The following NLK variants were observed in gnomAD, a reference collection of about 807,000 sequenced individuals.
NLK encodes nemo like kinase.
Under a neutral mutation model 59.0 loss-of-function variants are expected in NLK, and 11 were observed. That is an observed-to-expected ratio of 0.19 (90% confidence interval 0.12 to 0.31). The LOEUF is 0.31. Ranked by LOEUF, NLK falls within the 10% of genes least tolerant of loss-of-function variation. The pLI is 1.00. For synonymous variants in NLK, 235 were observed against 235.9 expected (o/e 1.00, Z 0.03); for missense variants, 410 against 661.1 (o/e 0.62, Z 4.16).
At chr17:28,076,418 C>T (rs188884660) in intron 1 of NLK, among the ~76,000 whole-genome samples, 1 of 152,200 alleles carries the variant, frequency 6.6e-6, no homozygotes, top group Admixed American at 6.5e-5. Flanking sequence ...ATAAACGGCA[C>T]TAATCCCATT....
At chr17:28,196,826 A>T (rs1291309552), downstream of NLK, among the ~76,000 whole-genome samples, 1 of 152,188 alleles carries the variant, frequency 6.6e-6, no homozygotes, top group Non-Finnish European at 1.5e-5. Context: ...GTCCCAGCCC[A>T]GTGGTGGTGT....
chr17:28,124,588 C>T lies in NLK; in HGVS notation c.588+1856C>T, dbSNP rs1240109216. Among the ~76,000 whole-genome samples, 3 of 152,140 alleles carry T rather than the reference C, an allele frequency of 2.0e-5. No homozygotes were observed. The East Asian group carries it at 5.8e-4, about 29-fold the overall frequency. On this transcript the variant is annotated intron_variant, in intron 2 of 10. Transcript: ENST00000407008. ...AGTTACTATTTTACTACCAGTTCCT[C>T]AGATTTTAGAAATAATTTAGAATAA...
At chr17:28,113,586 C>T (rs1003863320) in intron 1 of NLK, among the ~76,000 whole-genome samples, 1 of 152,174 alleles carries the variant, frequency 6.6e-6, no homozygotes, top group Non-Finnish European at 1.5e-5. Flanking sequence ...CATGCTAATG[C>T]ATTATAATTC....
At chr17:28,154,494 A>T (rs1328069593) in intron 3 of NLK, among the ~76,000 whole-genome samples, 2 of 152,108 alleles carry the variant, frequency 1.3e-5, no homozygotes, top group Non-Finnish European at 2.9e-5. Context: ...AGCTCTAAGC[A>T]CTCCCACAGA....
chr17:28,127,761 G>A (rs1424977023), intron 2 of NLK, among the ~76,000 whole-genome samples: 1 of 152,090 alleles, frequency 6.6e-6, no homozygotes, highest in Admixed American at 6.6e-5. Flanking sequence ...TTATGGAAAT[G>A]CAAAAGATAC....
At chr17:28,134,880 C>A (rs895548224) in intron 3 of NLK, among the ~76,000 whole-genome samples, 1 of 152,220 alleles carries the variant, frequency 6.6e-6, no homozygotes, top group Non-Finnish European at 1.5e-5. Context: ...TGAGAAAGTT[C>A]TTTTCTCCTC....
At position 28,196,067 on chromosome 17, in the gene NLK, A is replaced by G. The variant is rs1377041325; in HGVS notation, c.*1431A>G. The G allele has an allele frequency of 2.0e-5, 3 of 152,654 alleles. No individual in the cohort carries two copies. The highest frequency in any genetic ancestry group is 4.4e-5 in the Non-Finnish European group (3 of 68,032). The allele number at this position is 152,654 out of a possible 1,614,324, so 9.5% of individuals were successfully genotyped here. On this transcript the variant is annotated 3_prime_UTR_variant, in exon 11 of 11. Coordinates refer to ENST00000407008, the MANE Select transcript of NLK (RefSeq NM_016231.5). ...TCTGAGCTGAATTTGAAGACTATTA[A>G]TAAGTTATGTTTGGAAGTTTTAACT...
At chr17:28,185,548 C>T (rs1462366503) in intron 8 of NLK, among the ~76,000 whole-genome samples, 1 of 151,984 alleles carries the variant, frequency 6.6e-6, no homozygotes, top group Non-Finnish European at 1.5e-5. Flanking sequence ...TAAGTCAAGA[C>T]AAAATGATTT....
Position 28,124,683 on chromosome 17 carries a change from C to A in NLK, c.588+1951C>A, listed in dbSNP as rs77958960. Among the ~76,000 whole-genome samples, 615 of 152,288 alleles carry A rather than the reference C, an allele frequency of 4.0e-3. 7 individuals carry two copies. Among genetic ancestry groups the A allele is most frequent in the African/African-American group, 0.014 (592 of 41,566 alleles). On this transcript the variant is annotated intron_variant, in intron 2 of 10. Coordinates refer to ENST00000407008, the MANE Select transcript of NLK (RefSeq NM_016231.5). ...TCACCTCAGCATCAAAGAGTGCAGA[C>A]CTTCTTTCATTGTCAGAGACTCAAG...
chr17:28,156,156 A>G (rs1907703592), intron 3 of NLK, among the ~76,000 whole-genome samples: 1 of 152,188 alleles, frequency 6.6e-6, no homozygotes, highest in South Asian at 2.1e-4. Flanking sequence ...AATATATACA[A>G]AAATATAAGA....
intron 1 of NLK, among the ~76,000 whole-genome samples, chr17:28,122,108 A>G (rs1906091922): frequency 6.6e-6 from 1 of 152,248 alleles, no homozygotes; most frequent in African/African-American, 2.4e-5. Flanking sequence ...ACTGCTGCTT[A>G]TATTGAAGTC....
intron 2 of NLK, among the ~76,000 whole-genome samples, chr17:28,123,149 A>G (rs1019984222): frequency 2.0e-5 from 3 of 152,298 alleles, no homozygotes; most frequent in African/African-American, 4.8e-5. Context: ...TATGAATTGT[A>G]TGACATGCAC....
At chr17:28,051,889 T>G (rs1909268736) in intron 1 of NLK, among the ~76,000 whole-genome samples, 1 of 152,188 alleles carries the variant, frequency 6.6e-6, no homozygotes, top group Non-Finnish European at 1.5e-5. Context: ...CTTTCTCTCT[T>G]CAGGACTACA....
Position 28,191,127 on chromosome 17 carries a change from G to A in NLK, c.1343G>A (p.Gly448Glu). 1 of 1,613,938 alleles carries A rather than the reference G, an allele frequency of 6.2e-7. No homozygotes were observed. Among genetic ancestry groups the A allele is most frequent in the Non-Finnish European group, 8.5e-7 (1 of 1,179,850 alleles). Residue 448 changes from glycine (G) to glutamate (E), a missense_variant, in exon 9 of 11, where the codon GGA becomes GAA. Transcript: ENST00000407008. The part of the protein sequence containing the change: ...MCKCCFSTST[G>E]RVYTSDFEPV... ...AAATGTTGCTTTTCCACCTCCACTG[G>A]AAGAGTTTATACCAGTGACTTTGAG...
chr17:28,187,358 C>T (rs1010084279), intron 8 of NLK, among the ~76,000 whole-genome samples: 43 of 152,306 alleles, frequency 2.8e-4, no homozygotes, highest in Middle Eastern at 3.4e-3. Context: ...GGCTGGAGTG[C>T]AGCAGCGCAA....
chr17:28,063,986 A>C (rs1909748160), intron 1 of NLK, among the ~76,000 whole-genome samples: 1 of 152,178 alleles, frequency 6.6e-6, no homozygotes, highest in African/African-American at 2.4e-5. Flanking sequence ...GTGAATGTTC[A>C]GGTTTGAGAT....
At position 28,042,940 on chromosome 17, in the gene NLK, G is replaced by A. The variant is rs762649011; in HGVS notation, c.67G>A (p.Ala23Thr). The change falls in exon 1 of 11, where the codon GCA becomes ACA. Residue 23 changes from alanine to threonine, a missense_variant. Ala to Thr is a moderately conservative substitution (Grantham distance 58). Coordinates refer to ENST00000407008, the MANE Select transcript of NLK (RefSeq NM_016231.5). The stretch of plus-strand genomic sequence containing the variant: ...GGCTTACAATGGCGGTACATCTGCA[G>A]CAGCAGCAGGTCACCACCACCACCA... ...MAAYNGGTSA[A>T]AAGHHHHHHH... 5.2e-6 allele frequency: 8 copies of A among 1,550,518 alleles called. No homozygotes were observed. The Admixed American group carries it at 1.6e-4, about 30-fold the overall frequency.
At chr17:28,151,052 C>G (rs1197838315) in intron 3 of NLK, among the ~76,000 whole-genome samples, 1 of 152,156 alleles carries the variant, frequency 6.6e-6, no homozygotes, top group Non-Finnish European at 1.5e-5. Context: ...TTTGGAGACC[C>G]TCATTAAATT....
intron 1 of NLK, among the ~76,000 whole-genome samples, chr17:28,063,016 A>T (rs1909718148): frequency 6.6e-6 from 1 of 151,970 alleles, no homozygotes; most frequent in South Asian, 2.1e-4. Context: ...CTGTAGCCTC[A>T]AGCTGCCCAG....
Sources: gnomAD v4.1 joint callset for allele counts (sites outside exome capture counted in the v4.1 genomes callset) on GRCh38, gnomAD v4.1.1 for gene constraint, MANE v1.5 for transcripts, NCBI Gene and HGNC (gene_info 2026-07-23, HGNC 2026-07-21) for gene names.